BAIAP2L1: variants seen among roughly 807,000 people sequenced by gnomAD.
BAIAP2L1 encodes the protein BAR/IMD domain containing adaptor protein 2 like 1, also known as BAR/IMD domain-containing adapter protein 2-like 1.
Under a neutral mutation model 66.3 loss-of-function variants are expected in BAIAP2L1, and 35 were observed. That is an observed-to-expected ratio of 0.53 (90% CI 0.40 to 0.70). The LOEUF (loss-of-function observed/expected upper bound fraction) is 0.70, where lower values mean the gene tolerates loss of function less well. Among genes scored for constraint, BAIAP2L1 ranks in the 30% least tolerant of loss-of-function variants. BAIAP2L1 has a pLI of 0.00. For missense variants in BAIAP2L1, 622 were observed against 656.9 expected (o/e 0.95, Z 0.58); for synonymous variants, 269 against 248.7 (o/e 1.08, Z -0.77).
Position 98,318,479 on chromosome 7 carries a change from A to G in BAIAP2L1, c.349-1123T>C, listed in dbSNP as rs538725675. Reference sequence around the variant, plus strand: ...GTATTTTTAGTAGAGACCAGGTTTCACCATGTCAGCCAGGCTGGTCTCGAA... The same window carrying G: ...GTATTTTTAGTAGAGACCAGGTTTCGCCATGTCAGCCAGGCTGGTCTCGAA... On this transcript the variant is annotated intron_variant, in intron 5 of 13. Transcript: ENST00000005260. Among the ~76,000 whole-genome samples the G allele has an allele frequency of 7.2e-5, 11 of 151,836 alleles. No individual in the cohort carries two copies. In the South Asian group the frequency reaches 1.3e-3, roughly 17 times the overall value.
At chr7:98,293,962 G>T in intron 13 of BAIAP2L1, 112 bp downstream of exon 13, 1 of 1,258,962 alleles carries the variant, frequency 7.9e-7, no homozygotes. Flanking sequence ...TCCACAGGCC[G>T]AGGCCTTTCT....
rs1800700332 is a variant in BAIAP2L1, at chr7:98,307,425, A to C, written c.1163+264T>G. 16 of 1,310,278 alleles carry C rather than the reference A, an allele frequency of 1.2e-5. No individual in the cohort carries two copies. In the South Asian group the frequency reaches 2.4e-4, roughly 20 times the overall value. The allele number at this position is 1,310,278 out of a possible 1,614,324, so 81.2% of individuals were successfully genotyped here. A position where few individuals can be genotyped will look rare whatever the true frequency, so the allele number is the denominator to read the frequency against. ...TGGCCAAATGCTAAATTTTTTTTAA[A>C]AACAAAAGAATGTTTAAACTACTTT... On this transcript the variant is annotated intron_variant, in intron 10 of 13. Coordinates refer to ENST00000005260, the MANE Select transcript of BAIAP2L1 (RefSeq NM_018842.5).
At chr7:98,305,190 C>CA (rs369307224) in intron 11 of BAIAP2L1, among the ~76,000 whole-genome samples, 1 of 150,806 alleles carries the variant, frequency 6.6e-6, no homozygotes, top group Non-Finnish European at 1.5e-5. Flanking sequence ...TGCGCCTGGC[C>CA]AAAAAATTAT....
rs1323917237 is a variant in BAIAP2L1 at position 98,361,367 on chromosome 7, AAAG to A, written c.127+987_127+989del. ...GCAAGACTCTGTCTGGGAAAAAAAA[AAAG>A]AAAGAAAGAAAGAAAGAAGAGATAA... is the stretch of plus-strand genomic sequence containing the variant. On this transcript the variant is annotated intron_variant, in intron 2 of 13. Coordinates refer to ENST00000005260, the MANE Select transcript of BAIAP2L1 (RefSeq NM_018842.5). Among the ~76,000 whole-genome samples the A allele has an allele frequency of 1.5e-4, 18 of 118,098 alleles. No homozygotes were observed. In the South Asian group the frequency reaches 2.4e-3, roughly 16 times the overall value. 77.5% of individuals were successfully genotyped at this position (118,098 alleles called of 152,430 possible).
intron 12 of BAIAP2L1, among the ~76,000 whole-genome samples, chr7:98,298,077 CTT>C (rs920840864): frequency 1.3e-5 from 2 of 152,094 alleles, no homozygotes; most frequent in Non-Finnish European, 2.9e-5. Flanking sequence ...TTAATAAAAA[CTT>C]AAAGAGATAT....
At chr7:98,396,245 T>G (rs1048552655) in intron 1 of BAIAP2L1, among the ~76,000 whole-genome samples, 1 of 152,042 alleles carries the variant, frequency 6.6e-6, no homozygotes, top group African/African-American at 2.4e-5. Context: ...AATTTTTGTA[T>G]CTTTGTAGAG....
chr7:98,367,848 TC>T lies in BAIAP2L1; in HGVS notation c.52-5417del, dbSNP rs755098967. ...CATGTTGGTCAGGCTGGTCTTGAAC[TC>T]CCGACCTCAGATGGTCCACCTGCCT... On this transcript the variant is annotated intron_variant, in intron 1 of 13. Transcript: ENST00000005260. Among the ~76,000 whole-genome samples, 171 of 152,040 alleles carry T rather than the reference TC, an allele frequency of 1.1e-3. 1 individual carries two copies. The highest frequency in any genetic ancestry group is 1.7e-3 in the Non-Finnish European group (118 of 67,988).
intron 1 of BAIAP2L1, among the ~76,000 whole-genome samples, chr7:98,394,261 A>AC (rs1562796517): frequency 9.9e-5 from 15 of 151,930 alleles, no homozygotes; most frequent in South Asian, 4.2e-4. Context: ...AAACAAACAA[A>AC]AAAACCCACA....
intron 3 of BAIAP2L1, among the ~76,000 whole-genome samples, chr7:98,325,218 A>C (rs1030432445): frequency 2.0e-5 from 3 of 151,882 alleles, no homozygotes; most frequent in African/African-American, 4.8e-5. Context: ...CCCTGTCTCT[A>C]CTCAAAATAC....
chr7:98,329,857 A>G (rs1801453305), intron 3 of BAIAP2L1, among the ~76,000 whole-genome samples: 1 of 152,112 alleles, frequency 6.6e-6, no homozygotes, highest in Non-Finnish European at 1.5e-5. Flanking sequence ...TTATCCATCA[A>G]CAGGGCTCCG....
intron 2 of BAIAP2L1, among the ~76,000 whole-genome samples, chr7:98,356,994 CAAAAAAAAA>C (rs1171832329): frequency 4.1e-4 from 1 of 2,426 alleles, no homozygotes; most frequent in East Asian, 0.016. Context: ...GCCCCTGTCT[CAAAAAAAAA>C]AAAAAAAAAA....
chr7:98,365,038 C>T (rs1802363487), intron 1 of BAIAP2L1, among the ~76,000 whole-genome samples: 1 of 129,530 alleles, frequency 7.7e-6, no homozygotes, highest in Admixed American at 8.5e-5. Flanking sequence ...ACTCCACTGT[C>T]TTTAGCATCT....
intron 2 of BAIAP2L1, 24 bp from the exon 3 acceptor site, chr7:98,355,152 A>T: frequency 6.5e-7 from 1 of 1,527,226 alleles, no homozygotes; most frequent in Non-Finnish European, 9.1e-7. Flanking sequence ...GTGACACACA[A>T]AATCGTCACT....
intron 1 of BAIAP2L1, among the ~76,000 whole-genome samples, chr7:98,393,392 T>C (rs1248044671): frequency 2.6e-5 from 4 of 151,894 alleles, no homozygotes; most frequent in African/African-American, 7.3e-5. Context: ...ATGAACCCTA[T>C]TTAAACTGGA....
intron 1 of BAIAP2L1, among the ~76,000 whole-genome samples, chr7:98,388,017 A>T (rs1208452428): frequency 6.6e-6 from 1 of 151,908 alleles, no homozygotes; most frequent in Non-Finnish European, 1.5e-5. Context: ...TATTTCAGTC[A>T]TTTGTAAATA....
chr7:98,361,125 G>C (rs1802259142), intron 2 of BAIAP2L1, among the ~76,000 whole-genome samples: 1 of 152,152 alleles, frequency 6.6e-6, no homozygotes, highest in African/African-American at 2.4e-5. Context: ...GGGAGGCTGA[G>C]GGGAGTGGAT....
intron 7 of BAIAP2L1, 118 bp downstream of exon 7, chr7:98,315,342 C>T: frequency 1.0e-6 from 1 of 990,528 alleles, no homozygotes. Context: ...TGCCCAGGCC[C>T]ACCTCAGCCT....
At position 98,362,451 on chromosome 7, in the gene BAIAP2L1, A is replaced by C; in HGVS notation, c.52-19T>G. ...TAACATTCTGCCAAACAAACAAAAC[A>C]CACAAATTAATAAAATAAAAAATAA... is the stretch of plus-strand genomic sequence containing the variant. On this transcript the variant is annotated intron_variant, in intron 1 of 13. Coordinates refer to ENST00000005260, the MANE Select transcript of BAIAP2L1 (RefSeq NM_018842.5). The C allele has an allele frequency of 6.3e-7, 1 of 1,587,212 alleles. No individual in the cohort carries two copies. Among genetic ancestry groups the C allele is most frequent in the Middle Eastern group, 1.7e-4 (1 of 5,938 alleles).
At chr7:98,363,623 G>A (rs558903912) in intron 1 of BAIAP2L1, among the ~76,000 whole-genome samples, 2 of 152,074 alleles carry the variant, frequency 1.3e-5, no homozygotes, top group Non-Finnish European at 2.9e-5. Flanking sequence ...TCATTCCTAC[G>A]GTACTCAGAC....
Sources: gnomAD v4.1 joint callset for allele counts (sites outside exome capture counted in the v4.1 genomes callset) on GRCh38, gnomAD v4.1.1 for gene constraint, MANE v1.5 for transcripts, NCBI Gene and HGNC (gene_info 2026-07-23, HGNC 2026-07-21) for gene names.